The following ZRANB3 variants were observed in gnomAD, a reference collection of about 807,000 sequenced individuals.
The protein encoded by ZRANB3 is DNA annealing helicase and endonuclease ZRANB3.
Under a neutral mutation model 133.8 loss-of-function variants are expected in ZRANB3, and 125 were observed. The observed-to-expected ratio is 0.93, with a 90% CI of 0.81 to 1.08. ZRANB3 has a LOEUF of 1.08. Among genes scored for constraint, ZRANB3 ranks in the 50% least tolerant of loss-of-function variants. The pLI is 0.00. For missense variants in ZRANB3, 1,229 were observed against 1,275.5 expected, an observed-to-expected ratio of 0.96 and a Z score of 0.56; for synonymous variants, 387 against 432.7, an observed-to-expected ratio of 0.89 and a Z score of 1.31.
intron 8 of ZRANB3, among the ~76,000 whole-genome samples, chr2:135,303,268 G>T (rs982942816): frequency 1.8e-4 from 28 of 151,940 alleles, no homozygotes; most frequent in Admixed American, 3.9e-4. Context: ...TGTGCTTTTT[G>T]TATCCTGTCT....
chr2:135,514,137 T>C (rs921467015), intron 1 of ZRANB3, among the ~76,000 whole-genome samples: 2 of 152,158 alleles, frequency 1.3e-5, no homozygotes, highest in Admixed American at 6.5e-5. Context: ...CTTTTTTGGT[T>C]CCATATGAAA....
At chr2:135,480,498 T>A (rs574275547) in intron 2 of ZRANB3, among the ~76,000 whole-genome samples, 38 of 152,104 alleles carry the variant, frequency 2.5e-4, no homozygotes, top group African/African-American at 8.9e-4. Flanking sequence ...AACAAAACAA[T>A]GAAAGAAATT....
chr2:135,485,616 C>G (rs1692079690), intron 2 of ZRANB3, among the ~76,000 whole-genome samples: 1 of 152,144 alleles, frequency 6.6e-6, no homozygotes, highest in Non-Finnish European at 1.5e-5. Flanking sequence ...ACAATACTGT[C>G]AGAATGATAC....
intron 2 of ZRANB3, among the ~76,000 whole-genome samples, chr2:135,473,620 T>C (rs1691376086): frequency 1.3e-5 from 2 of 152,022 alleles, no homozygotes; most frequent in Non-Finnish European, 2.9e-5. Flanking sequence ...TTCATAATAG[T>C]GTATCATTCC....
intron 1 of ZRANB3, among the ~76,000 whole-genome samples, chr2:135,505,975 T>C (rs1015125785): frequency 3.9e-5 from 6 of 152,148 alleles, no homozygotes; most frequent in African/African-American, 9.7e-5. Context: ...GTTTGGCTTA[T>C]GGTCTGAAAG....
intron 3 of ZRANB3, among the ~76,000 whole-genome samples, chr2:135,357,009 A>AT (rs753737964): frequency 3.9e-5 from 6 of 152,006 alleles, no homozygotes; most frequent in Non-Finnish European, 7.4e-5. Flanking sequence ...TATTAATTAC[A>AT]TTTTTTACAA....
chr2:135,216,007 A>G (rs1694292251), intron 17 of ZRANB3, among the ~76,000 whole-genome samples: 1 of 152,112 alleles, frequency 6.6e-6, no homozygotes, highest in Non-Finnish European at 1.5e-5. Context: ...CCGTGATAAG[A>G]ATTTCTAAGG....
At chr2:135,255,824 T>C (rs978697625) in intron 12 of ZRANB3, among the ~76,000 whole-genome samples, 1 of 151,678 alleles carries the variant, frequency 6.6e-6, no homozygotes, top group Non-Finnish European at 1.5e-5. Context: ...TCCTGGGCAA[T>C]AGAGTGAGAG....
intron 3 of ZRANB3, among the ~76,000 whole-genome samples, chr2:135,358,237 A>C (rs1329685699): frequency 6.6e-6 from 1 of 152,204 alleles, no homozygotes; most frequent in Non-Finnish European, 1.5e-5. Context: ...AAATAGCCAA[A>C]GACTTAAGGC....
At chr2:135,381,834 C>T (rs1686715188) in intron 3 of ZRANB3, among the ~76,000 whole-genome samples, 1 of 152,128 alleles carries the variant, frequency 6.6e-6, no homozygotes, top group Non-Finnish European at 1.5e-5. Context: ...ACACCAAAAC[C>T]CCATCTACAT....
chr2:135,335,125 T>A (rs996938223), intron 6 of ZRANB3, among the ~76,000 whole-genome samples: 1 of 152,040 alleles, frequency 6.6e-6, no homozygotes, highest in Admixed American at 6.6e-5. Flanking sequence ...TAATTAACAA[T>A]CTTTAGGTAT....
At chr2:135,447,011 T>G (rs1273424069) in intron 2 of ZRANB3, among the ~76,000 whole-genome samples, 3 of 152,134 alleles carry the variant, frequency 2.0e-5, no homozygotes, top group Non-Finnish European at 4.4e-5. Flanking sequence ...TTTTTCTGTC[T>G]TTTTAGGTTC....
intron 2 of ZRANB3, among the ~76,000 whole-genome samples, chr2:135,443,167 A>G (rs1457440997): frequency 2.0e-5 from 3 of 151,986 alleles, no homozygotes; most frequent in Non-Finnish European, 4.4e-5. Flanking sequence ...AATGTGGCAC[A>G]TATACACCAT....
chr2:135,405,675 T>A (rs373128986), intron 2 of ZRANB3, among the ~76,000 whole-genome samples: 4 of 152,122 alleles, frequency 2.6e-5, no homozygotes, highest in African/African-American at 4.8e-5. Flanking sequence ...TTCACTCAAA[T>A]CCGCTCAACT....
At chr2:135,355,199 T>C (rs1037492584) in intron 3 of ZRANB3, 13 of 983,362 alleles carry the variant, frequency 1.3e-5, no homozygotes, top group Non-Finnish European at 1.6e-5. Context: ...AAAGCAATCT[T>C]AGAATTCATG....
rs200901805 is a variant in ZRANB3 at position 135,269,117 on chromosome 2, G to C, written c.1231C>G (p.His411Asp). The part of the protein sequence containing the change: ...GQGLTFTAAS[H>D]VVFAELYWDP... ...CAGTACAACTCAGCAAATACAACAT[G>C]ACTTGCTGCAGTAAATGTTAATCCC... The change falls in exon 11 of 21, where the codon CAT (histidine) becomes GAT (aspartate). Residue 411 changes from histidine (H) to aspartate (D), a missense_variant. Coordinates refer to ENST00000264159, the MANE Select transcript of ZRANB3 (RefSeq NM_032143.4). The C allele has an allele frequency of 2.5e-6, 4 of 1,602,806 alleles. No homozygotes were observed. The East Asian group carries it at 9.0e-5, about 36-fold the overall frequency.
chr2:135,438,068 T>C (rs1463475035), intron 2 of ZRANB3, among the ~76,000 whole-genome samples: 1 of 152,134 alleles, frequency 6.6e-6, no homozygotes, highest in African/African-American at 2.4e-5. Flanking sequence ...TTGGACTAAA[T>C]ATCACCACCA....
At chr2:135,522,952 C>A (rs1292162210) in intron 1 of ZRANB3, among the ~76,000 whole-genome samples, 1 of 152,114 alleles carries the variant, frequency 6.6e-6, no homozygotes. Flanking sequence ...GCAGGAATAA[C>A]CTTTTAGAAG....
At chr2:135,479,290 A>G (rs1387691078) in intron 2 of ZRANB3, among the ~76,000 whole-genome samples, 1 of 152,204 alleles carries the variant, frequency 6.6e-6, no homozygotes, top group Non-Finnish European at 1.5e-5. Context: ...AAAGTCTGAT[A>G]AAGTAGGTTT....
Sources: gnomAD v4.1 joint callset for allele counts (sites outside exome capture counted in the v4.1 genomes callset) on GRCh38, gnomAD v4.1.1 for gene constraint, MANE v1.5 for transcripts, NCBI Gene and HGNC (gene_info 2026-07-23, HGNC 2026-07-21) for gene names.